Variants in IGSF11 observed in about 807,000 individuals in gnomAD.
IGSF11 encodes immunoglobulin superfamily member 11, also known as CXADR like 1.
In IGSF11, 22 loss-of-function variants were observed where a neutral mutation model predicts 41.0. The observed-to-expected ratio is 0.54, with a 90% CI of 0.38 to 0.77. The LOEUF is 0.77. Ranked by LOEUF, IGSF11 falls within the 30% of genes least tolerant of loss-of-function variation. IGSF11 has a pLI of 0.00. For missense variants in IGSF11, 444 were observed against 530.8 expected (o/e 0.84, Z 1.61); for synonymous variants, 219 against 201.3 (o/e 1.09, Z -0.74).
At chr3:119,074,374 T>C (rs927724027) in intron 1 of IGSF11, among the ~76,000 whole-genome samples, 27 of 152,096 alleles carry the variant, frequency 1.8e-4, no homozygotes, top group African/African-American at 5.8e-4. Flanking sequence ...CAACCCCATA[T>C]GATTACGTGG....
intron 1 of IGSF11, among the ~76,000 whole-genome samples, chr3:119,125,638 A>G (rs11926663): frequency 0.017 from 2,601 of 152,280 alleles, 69 homozygotes; most frequent in African/African-American, 0.06. Flanking sequence ...TGGCCTGACC[A>G]TGGTGCGGCC....
chr3:119,105,596 C>T (rs2077009681), upstream of IGSF11, among the ~76,000 whole-genome samples: 1 of 152,286 alleles, frequency 6.6e-6, no homozygotes, highest in African/African-American at 2.4e-5. Flanking sequence ...AACAGTAACA[C>T]ACTTATCCAA....
chr3:119,098,903 G>C (rs1390551979), intron 1 of IGSF11, among the ~76,000 whole-genome samples: 1 of 151,956 alleles, frequency 6.6e-6, no homozygotes, highest in Non-Finnish European at 1.5e-5. Context: ...TTTCTACTCT[G>C]TCTCACATGT....
intron 1 of IGSF11, among the ~76,000 whole-genome samples, chr3:119,116,886 C>T (rs1175306882): frequency 6.6e-6 from 1 of 152,152 alleles, no homozygotes; most frequent in Non-Finnish European, 1.5e-5. Context: ...TAGCCCCACC[C>T]AGAAGTGATT....
rs920239167 is a variant in IGSF11, at chr3:119,132,140, C to T, written c.-14+13673G>A. 2.0e-5 allele frequency among the ~76,000 whole-genome samples: 3 copies of T among 152,128 alleles called. No individual in the cohort carries two copies. The South Asian group carries it at 6.2e-4, about 32-fold the overall frequency. ...CATCGATGCTATAAAGAAACTGTAT[C>T]AATTAATGGAAAAAATAACCAGCTG... On this transcript the variant is annotated intron_variant, in intron 1 of 7. Transcript: ENST00000425327.
At chr3:119,107,597 T>A (rs2077056772), upstream of IGSF11, among the ~76,000 whole-genome samples, 1 of 152,178 alleles carries the variant, frequency 6.6e-6, no homozygotes, top group South Asian at 2.1e-4. Context: ...TTTAATTAGA[T>A]CCCATTTGTC....
At chr3:119,067,927 T>C (rs925613878) in intron 1 of IGSF11, among the ~76,000 whole-genome samples, 3 of 152,048 alleles carry the variant, frequency 2.0e-5, no homozygotes, top group South Asian at 4.1e-4. Context: ...TATCTGGCCA[T>C]TGCAATGGAA....
chr3:119,023,674 C>G (rs558588539), intron 1 of IGSF11, among the ~76,000 whole-genome samples: 1 of 152,136 alleles, frequency 6.6e-6, no homozygotes, highest in Non-Finnish European at 1.5e-5. Context: ...TAAACATGAA[C>G]ATGAATTAGT....
chr3:119,017,902 C>T (rs984087151), intron 1 of IGSF11, among the ~76,000 whole-genome samples: 1 of 150,964 alleles, frequency 6.6e-6, no homozygotes, highest in Non-Finnish European at 1.5e-5. Flanking sequence ...CCTGCCTCAG[C>T]CTCCCTAGTA....
chr3:119,089,230 G>A (rs1286828778), intron 1 of IGSF11, among the ~76,000 whole-genome samples: 1 of 151,506 alleles, frequency 6.6e-6, no homozygotes, highest in East Asian at 1.9e-4. Flanking sequence ...GTTAATACAC[G>A]ACAATCAAGT....
chr3:118,961,472 G>A (rs1191116448), intron 1 of IGSF11, among the ~76,000 whole-genome samples: 1 of 152,034 alleles, frequency 6.6e-6, no homozygotes, highest in Non-Finnish European at 1.5e-5. Flanking sequence ...CAGTGGTAAA[G>A]GAAAATTTGT....
At chr3:118,964,705 T>C (rs1442430230) in intron 1 of IGSF11, among the ~76,000 whole-genome samples, 1 of 152,158 alleles carries the variant, frequency 6.6e-6, no homozygotes, top group Non-Finnish European at 1.5e-5. Flanking sequence ...TCTTACCCAA[T>C]TTATGAGGAG....
intron 1 of IGSF11, among the ~76,000 whole-genome samples, chr3:119,101,762 C>G (rs2076943652): frequency 6.6e-6 from 1 of 152,170 alleles, no homozygotes; most frequent in African/African-American, 2.4e-5. Context: ...TGGGCTAACC[C>G]TAAATGTATA....
intron 4 of IGSF11, among the ~76,000 whole-genome samples, chr3:118,925,473 A>T (rs1942206306): frequency 6.6e-6 from 1 of 152,046 alleles, no homozygotes. Context: ...TTATAATAAA[A>T]TTCTATATCT....
intron 1 of IGSF11, among the ~76,000 whole-genome samples, chr3:119,135,633 A>G (rs984349400): frequency 1.3e-5 from 2 of 152,226 alleles, no homozygotes; most frequent in African/African-American, 4.8e-5. Context: ...AATTAGTTCA[A>G]TCATTGTGGA....
chr3:119,041,865 T>C (rs1322758056), intron 1 of IGSF11, among the ~76,000 whole-genome samples: 2 of 152,128 alleles, frequency 1.3e-5, no homozygotes, highest in Non-Finnish European at 2.9e-5. Context: ...TCACCAAATG[T>C]TCAGAAAACG....
At chr3:118,935,601 T>C (rs1943211660) in intron 1 of IGSF11, among the ~76,000 whole-genome samples, 1 of 151,504 alleles carries the variant, frequency 6.6e-6, no homozygotes, top group South Asian at 2.1e-4. Context: ...TAAAGAGGCT[T>C]TGTGGAGAGA....
At chr3:119,141,295 A>G (rs2077645234) in intron 1 of IGSF11, among the ~76,000 whole-genome samples, 1 of 151,640 alleles carries the variant, frequency 6.6e-6, no homozygotes, top group Non-Finnish European at 1.5e-5. Context: ...TTATTGCTAT[A>G]GAGGCCTATA....
At chr3:119,026,440 T>G (rs1254900499) in intron 1 of IGSF11, among the ~76,000 whole-genome samples, 2 of 152,210 alleles carry the variant, frequency 1.3e-5, no homozygotes, top group Non-Finnish European at 2.9e-5. Context: ...AAACTACTTT[T>G]CTTACTAACA....
Sources: gnomAD v4.1 joint callset for allele counts (sites outside exome capture counted in the v4.1 genomes callset) on GRCh38, gnomAD v4.1.1 for gene constraint, MANE v1.5 for transcripts, NCBI Gene and HGNC (gene_info 2026-07-23, HGNC 2026-07-21) for gene names.